WLS: variants seen among roughly 807,000 people sequenced by gnomAD.
The protein encoded by WLS is Wnt ligand secretion mediator.
WLS carries 23 observed loss-of-function variants against 62.8 expected under a neutral mutation model. The observed-to-expected ratio is 0.37, with a 90% confidence interval of 0.26 to 0.52. The LOEUF (loss-of-function observed/expected upper bound fraction) is 0.52. WLS is among the 20% of genes least tolerant of loss of function. The pLI, the probability that WLS is intolerant of heterozygous loss-of-function variation, is 0.92. For missense variants in WLS, 615 were observed against 697.3 expected (o/e 0.88, Z 1.33); for synonymous variants, 246 against 244.1 (o/e 1.01, Z -0.07).
intron 1 of WLS, among the ~76,000 whole-genome samples, chr1:68,218,690 C>G (rs1649831729): frequency 6.6e-6 from 1 of 152,110 alleles, no homozygotes; most frequent in Non-Finnish European, 1.5e-5. Context: ...AGTCACAGGC[C>G]TCCGTTCCTC....
intron 11 of WLS, chr1:68,099,868 C>A (rs954326769): frequency 6.6e-6 from 1 of 151,978 alleles, no homozygotes; most frequent in Admixed American, 6.5e-5. Flanking sequence ...GGACCTTGAG[C>A]AAATCACCAC....
chr1:68,102,658 CAG>C (rs1348292301), intron 11 of WLS: 1 of 152,202 alleles, frequency 6.6e-6, no homozygotes, highest in East Asian at 1.9e-4. Flanking sequence ...GGTTCAGAAT[CAG>C]AGAAGCTCTA....
chr1:68,227,715 A>G (rs1442988741), intron 1 of WLS, among the ~76,000 whole-genome samples: 3 of 152,198 alleles, frequency 2.0e-5, no homozygotes, highest in Non-Finnish European at 2.9e-5. Flanking sequence ...ACAGAAAAAT[A>G]TGACTTAACA....
chr1:68,134,359 C>A (rs1358029349), intron 11 of WLS, among the ~76,000 whole-genome samples: 1 of 152,154 alleles, frequency 6.6e-6, no homozygotes, highest in East Asian at 1.9e-4. Context: ...CAGCACCATG[C>A]AGGAAAGGGA....
chr1:68,218,230 ATGG>A, intron 1 of WLS, among the ~76,000 whole-genome samples: 1 of 127,180 alleles, frequency 7.9e-6, no homozygotes, highest in African/African-American at 2.5e-5. Context: ...TTGTATCAAA[ATGG>A]TGGATTTTTT....
intron 1 of WLS, among the ~76,000 whole-genome samples, chr1:68,206,981 A>T (rs1033324088): frequency 6.6e-6 from 1 of 152,166 alleles, no homozygotes; most frequent in African/African-American, 2.4e-5. Flanking sequence ...AGAAGAACAG[A>T]TCTTAATGGT....
At chr1:68,113,420 G>A (rs967131442) in intron 11 of WLS, among the ~76,000 whole-genome samples, 1 of 152,156 alleles carries the variant, frequency 6.6e-6, no homozygotes, top group Non-Finnish European at 1.5e-5. Flanking sequence ...GGTAATTACT[G>A]AGCCACTCTG....
chr1:68,232,140 G>A lies in WLS; in HGVS notation c.106+54C>T, dbSNP rs1650456309. The A allele has an allele frequency of 9.9e-6, 16 of 1,610,796 alleles. No homozygotes were observed. In the South Asian group the frequency reaches 1.2e-4, roughly 12 times the overall value. ...ACAAGTAGCCCAAGAGGCAAAGAGG[G>A]AAGGGGCCCGAAAAGACAGAAAGGG... On this transcript the variant is annotated intron_variant, in intron 1 of 11. Coordinates refer to ENST00000262348, the MANE Select transcript of WLS (RefSeq NM_024911.7).
chr1:68,138,811 T>C (rs929343244), intron 10 of WLS, among the ~76,000 whole-genome samples: 2 of 152,182 alleles, frequency 1.3e-5, no homozygotes, highest in East Asian at 3.9e-4. Flanking sequence ...AAAATGGAAA[T>C]AGAAGAAAGT....
At chr1:68,171,106 TG>T (rs2100540796) in intron 2 of WLS, among the ~76,000 whole-genome samples, 1 of 152,074 alleles carries the variant, frequency 6.6e-6, no homozygotes, top group Non-Finnish European at 1.5e-5. Context: ...CTGAAATCCC[TG>T]TGCTAGATGG....
At chr1:68,185,222 G>A (rs1647853301) in intron 2 of WLS, among the ~76,000 whole-genome samples, 1 of 152,182 alleles carries the variant, frequency 6.6e-6, no homozygotes, top group African/African-American at 2.4e-5. Context: ...CGAAAAAACA[G>A]GTTGTGGCCT....
At chr1:68,197,100 T>C (rs1440279095) in intron 1 of WLS, among the ~76,000 whole-genome samples, 1 of 152,144 alleles carries the variant, frequency 6.6e-6, no homozygotes, top group Non-Finnish European at 1.5e-5. Flanking sequence ...ATTTTTTACC[T>C]TCTTGAAAAA....
At chr1:68,129,964 A>G (rs1646494299) in intron 11 of WLS, among the ~76,000 whole-genome samples, 1 of 152,228 alleles carries the variant, frequency 6.6e-6, no homozygotes, top group Non-Finnish European at 1.5e-5. Flanking sequence ...CAATTAGATG[A>G]CGGTCTATTT....
chr1:68,154,161 C>G (rs1368230591), intron 4 of WLS, among the ~76,000 whole-genome samples: 1 of 152,012 alleles, frequency 6.6e-6, no homozygotes, highest in Admixed American at 6.6e-5. Context: ...TGAGGTAGAA[C>G]CAGAAATTTC....
downstream of WLS, chr1:68,125,226 T>C: frequency 1.2e-6 from 1 of 826,486 alleles, no homozygotes. Context: ...AATGTCACTC[T>C]TTCTCCAGGA....
intron 4 of WLS, 87 bp from the exon 5 acceptor site, chr1:68,153,740 T>A (rs980920122): frequency 1.3e-6 from 2 of 1,562,636 alleles, no homozygotes; most frequent in Admixed American, 1.7e-5. Flanking sequence ...GAGAGGTAAG[T>A]GGAGACCTCG....
At chr1:68,114,824 C>T (rs890205019) in intron 11 of WLS, among the ~76,000 whole-genome samples, 1 of 152,212 alleles carries the variant, frequency 6.6e-6, no homozygotes, top group African/African-American at 2.4e-5. Flanking sequence ...TAGGGTAAAG[C>T]AAGAACAGAG....
intron 11 of WLS, among the ~76,000 whole-genome samples, chr1:68,120,184 T>C (rs1002363297): frequency 6.6e-6 from 1 of 152,132 alleles, no homozygotes; most frequent in African/African-American, 2.4e-5. Context: ...TCAGAAATCA[T>C]CTCATTCAGG....
chr1:68,224,310 T>C (rs936187603), intron 1 of WLS, among the ~76,000 whole-genome samples: 7 of 152,188 alleles, frequency 4.6e-5, no homozygotes, highest in Admixed American at 3.9e-4. Flanking sequence ...TGGAAGCAGG[T>C]TTTGGAAATC....
Sources: allele counts gnomAD v4.1 joint callset (sites outside exome capture counted in the v4.1 genomes callset), GRCh38; gene constraint gnomAD v4.1.1; transcripts MANE v1.5; gene names NCBI Gene and HGNC (gene_info 2026-07-23, HGNC 2026-07-21).